TRIM24: variants seen among roughly 807,000 people sequenced by gnomAD.
TRIM24 encodes tripartite motif containing 24.
A neutral mutation model predicts 123.9 loss-of-function variants in TRIM24; 29 were observed. The ratio of observed to expected loss-of-function variants is 0.23; its 90% CI spans 0.17 to 0.32. The LOEUF is 0.32. Ranked by LOEUF, TRIM24 falls within the 10% of genes least tolerant of loss-of-function variation. TRIM24 has a pLI of 1.00. For synonymous variants in TRIM24, 456 were observed against 461.1 expected (o/e 0.99, Z 0.14); for missense variants, 932 against 1,295.3 (o/e 0.72, Z 4.31).
At chr7:138,531,827 C>A (rs1342045697) in intron 6 of TRIM24, among the ~76,000 whole-genome samples, 1 of 152,216 alleles carries the variant, frequency 6.6e-6, no homozygotes, top group African/African-American at 2.4e-5. Flanking sequence ...AGTTTACAGT[C>A]TCACCAACAG....
chr7:138,488,131 A>G (rs553534211), intron 1 of TRIM24, among the ~76,000 whole-genome samples: 24 of 152,240 alleles, frequency 1.6e-4, no homozygotes, highest in African/African-American at 4.3e-4. Flanking sequence ...TTATTTCTGT[A>G]GAGGTGTTAA....
Position 138,508,720 on chromosome 7 carries a change from C to CGTGTGTGTGTGTGCGTGTGT in TRIM24, c.483+4325_483+4326insCGTGTGTGTGTGTGTGTGTG, listed in dbSNP as rs1554436717. Among the ~76,000 whole-genome samples, 6 of 72,596 alleles carry CGTGTGTGTGTGTGCGTGTGT rather than the reference C, an allele frequency of 8.3e-5. No individual in the cohort carries two copies. In the South Asian group the frequency reaches 1.9e-3, roughly 23 times the overall value. 47.6% of individuals were successfully genotyped at this position (72,596 alleles called of 152,430 possible). A position where few individuals can be genotyped will look rare whatever the true frequency, so the allele number is the denominator to read the frequency against. On this transcript the variant is annotated intron_variant, in intron 2 of 18. Coordinates refer to ENST00000343526, the MANE Select transcript of TRIM24 (RefSeq NM_015905.3). ...GCGCGCGTGTGTGCGTGTGTGTGTG[C>CGTGTGTGTGTGTGCGTGTGT]GTGTGTGTGTGTGTGTGTGTGTGTG... is the stretch of plus-strand genomic sequence containing the variant.
At chr7:138,565,498 C>G (rs550052583) in intron 9 of TRIM24, among the ~76,000 whole-genome samples, 1 of 152,294 alleles carries the variant, frequency 6.6e-6, no homozygotes, top group Non-Finnish European at 1.5e-5. Context: ...TTGAAGTTCT[C>G]CCAGTGGCGC....
At chr7:138,551,625 G>A (rs1232961501) in intron 8 of TRIM24, among the ~76,000 whole-genome samples, 1 of 152,036 alleles carries the variant, frequency 6.6e-6, no homozygotes, top group Non-Finnish European at 1.5e-5. Context: ...CTATAACATT[G>A]ACTGACAGGG....
chr7:138,564,939 C>T (rs978854989), intron 9 of TRIM24, among the ~76,000 whole-genome samples: 2 of 152,144 alleles, frequency 1.3e-5, no homozygotes, highest in Non-Finnish European at 2.9e-5. Flanking sequence ...CACTTCGGAC[C>T]GATTAGACCG....
chr7:138,494,787 C>T (rs1795867044), intron 1 of TRIM24, among the ~76,000 whole-genome samples: 1 of 152,082 alleles, frequency 6.6e-6, no homozygotes, highest in Non-Finnish European at 1.5e-5. Flanking sequence ...AACAAAATTG[C>T]AGGTTTTTTT....
rs144307628 is a variant in TRIM24 at position 138,528,105 on chromosome 7, G to T, written c.882-1011G>T. 7.0e-3 allele frequency among the ~76,000 whole-genome samples: 1,071 copies of T among 152,142 alleles called. 12 individuals are homozygous for T. Among genetic ancestry groups the T allele is most frequent in the South Asian group, 0.044 (212 of 4,822 alleles). ...CTCTTGCTATGCGGCCTAGATGGCT[G>T]TTATCTAGGCTTGCTCTAGTGCCTT... On this transcript the variant is annotated intron_variant, in intron 5 of 18. Coordinates refer to ENST00000343526, the MANE Select transcript of TRIM24 (RefSeq NM_015905.3).
rs1221773652 is a variant in TRIM24, at chr7:138,587,454, G to GCTAA, written c.*2503_*2504insCTAA. On this transcript the variant is annotated 3_prime_UTR_variant, in exon 19 of 19. Transcript: ENST00000343526. Reference sequence around the variant, plus strand: ...TTATTAATAAGTACCTGTGTGCCCAGGTGGATCTCAGCTAAGTCATCCTTA... The same window carrying GCTAA: ...TTATTAATAAGTACCTGTGTGCCCAGCTAAGTGGATCTCAGCTAAGTCATCCTTA... 6.6e-6 allele frequency: 1 copy of GCTAA among 152,122 alleles called. No individual in the cohort carries two copies. The highest frequency in any genetic ancestry group is 2.1e-4 in the South Asian group (1 of 4,826). 9.4% of individuals were successfully genotyped at this position (152,122 alleles called of 1,614,324 possible).
Position 138,460,816 on chromosome 7 carries a change from A to G in TRIM24, c.268A>G (p.Met90Val). ...RCLPAPQRYL[M>V]LPAPMLGSAE... is the part of the protein sequence containing the mutation. ...CCTGCCCGCGCCCCAGCGCTACCTC[A>G]TGCTGCCCGCGCCCATGCTGGGCTC... is the stretch of plus-strand genomic sequence containing the variant. Residue 90 changes from methionine (M) to valine (V), a missense_variant, in exon 1 of 19, where the codon ATG becomes GTG. Coordinates refer to ENST00000343526, the MANE Select transcript of TRIM24 (RefSeq NM_015905.3). 1.3e-6 allele frequency: 2 copies of G among 1,580,194 alleles called. No individual in the cohort carries two copies. The highest frequency in any genetic ancestry group is 1.1e-5 in the South Asian group (1 of 88,090).
At chr7:138,575,134 G>C (rs1797729582) in intron 12 of TRIM24, among the ~76,000 whole-genome samples, 1 of 152,114 alleles carries the variant, frequency 6.6e-6, no homozygotes, top group African/African-American at 2.4e-5. Context: ...CCATATAAAA[G>C]ATGTAAAAGT....
chr7:138,580,532 G>A lies in TRIM24; in HGVS notation c.2586-30G>A, dbSNP rs1363662776. 3 of 1,594,454 alleles carry A rather than the reference G, an allele frequency of 1.9e-6. No homozygotes were observed. In the East Asian group the frequency reaches 6.7e-5, roughly 36 times the overall value. On this transcript the variant is annotated intron_variant, in intron 15 of 18. Transcript: ENST00000343526. The stretch of plus-strand genomic sequence containing the variant: ...AGTGAAGAGAGGAAATGATGCATTA[G>A]GAATTCAAAAGTACATTGTCCCCTA...
intron 1 of TRIM24, among the ~76,000 whole-genome samples, chr7:138,488,538 G>A (rs1370879247): frequency 6.6e-6 from 1 of 152,132 alleles, no homozygotes. Context: ...AGAGATTCTG[G>A]TACGTTGTGT....
chr7:138,581,507 T>G (rs1797894339), intron 16 of TRIM24, among the ~76,000 whole-genome samples, 190 bp from the exon 17 acceptor site: 1 of 152,224 alleles, frequency 6.6e-6, no homozygotes, highest in African/African-American at 2.4e-5. Flanking sequence ...CTTAGTTCAT[T>G]CAATTACAGG....
intron 1 of TRIM24, among the ~76,000 whole-genome samples, chr7:138,470,373 G>A (rs950412525): frequency 1.3e-5 from 2 of 151,838 alleles, no homozygotes; most frequent in Admixed American, 6.6e-5. Context: ...TGCCCACCTC[G>A]GCCTCCCAAA....
At chr7:138,567,398 G>T in intron 9 of TRIM24, 83 bp from the exon 10 acceptor site, 7 of 1,299,356 alleles carry the variant, frequency 5.4e-6, no homozygotes, top group Middle Eastern at 2.0e-4. Context: ...CTATTTTTCT[G>T]TAAAAGTTTT....
At chr7:138,533,291 T>A (rs1796787345) in intron 6 of TRIM24, among the ~76,000 whole-genome samples, 1 of 152,220 alleles carries the variant, frequency 6.6e-6, no homozygotes. Context: ...CCCTGTCTTG[T>A]GCCAGTTTTC....
chr7:138,570,755 G>T (rs1384072603), intron 10 of TRIM24, 75 bp from the exon 11 acceptor site: 7 of 1,421,388 alleles, frequency 4.9e-6, no homozygotes, highest in East Asian at 2.6e-5. Context: ...ACTTCATTTT[G>T]TGTGAGTGAT....
At chr7:138,531,789 C>T (rs1036445918) in intron 6 of TRIM24, among the ~76,000 whole-genome samples, 1 of 152,198 alleles carries the variant, frequency 6.6e-6, no homozygotes, top group Non-Finnish European at 1.5e-5. Context: ...TGAGGAATCG[C>T]CACGCTGTCT....
chr7:138,570,958 G>T lies in TRIM24; in HGVS notation c.1833G>T (p.Leu611Phe). The change falls in exon 11 of 19, where the codon TTG becomes TTT. Residue 611 changes from leucine (L) to phenylalanine (F), a missense_variant. By Grantham distance (22) the Leu-to-Phe change is conservative (BLOSUM62 0). Transcript: ENST00000343526. ...CTTTTGGTTCACCTATGATCGATTT[G>T]AGCTCACCAGTGGGAGGGTCTTATA... is the stretch of plus-strand genomic sequence containing the variant. ...GKAFGSPMID[L>F]SSPVGGSYNL... The T allele has an allele frequency of 6.2e-7, 1 of 1,614,056 alleles. No homozygotes were observed. Among genetic ancestry groups the T allele is most frequent in the South Asian group, 1.1e-5 (1 of 91,068 alleles).
Sources: allele counts gnomAD v4.1 joint callset (sites outside exome capture counted in the v4.1 genomes callset), GRCh38; gene constraint gnomAD v4.1.1; transcripts MANE v1.5; gene names NCBI Gene and HGNC (gene_info 2026-07-23, HGNC 2026-07-21).